The following ENPP3 variants were observed in gnomAD, a reference collection of about 807,000 sequenced individuals.
ENPP3 encodes the protein ectonucleotide pyrophosphatase/phosphodiesterase family member 3.
A neutral mutation model predicts 117.8 loss-of-function variants in ENPP3; 104 were observed. That is an observed-to-expected ratio of 0.88 (90% CI 0.75 to 1.04). ENPP3 has a LOEUF of 1.04. Ranked by LOEUF, ENPP3 falls within the 50% of genes least tolerant of loss-of-function variation. The pLI is 0.00. For synonymous variants in ENPP3, 380 were observed against 349.9 expected (o/e 1.09, Z -0.96); for missense variants, 1,026 against 1,051.9 (o/e 0.98, Z 0.34).
chr6:131,736,612 AC>A (rs1206041431), intron 21 of ENPP3, among the ~76,000 whole-genome samples: 1 of 151,990 alleles, frequency 6.6e-6, no homozygotes, highest in African/African-American at 2.4e-5. Flanking sequence ...ACACAGCCAA[AC>A]CATATCAGTC....
At chr6:131,734,382 C>T (rs991862959) in intron 21 of ENPP3, among the ~76,000 whole-genome samples, 3 of 152,170 alleles carry the variant, frequency 2.0e-5, no homozygotes, top group African/African-American at 7.2e-5. Context: ...CAGGAAACGT[C>T]ATTTTTATTA....
intron 18 of ENPP3, 118 bp downstream of exon 18, chr6:131,722,523 AG>A: frequency 1.3e-6 from 1 of 752,756 alleles, no homozygotes; most frequent in South Asian, 1.7e-5. Context: ...ATATTTACTT[AG>A]TAAATATATG....
chr6:131,677,752 G>A, intron 10 of ENPP3, 116 bp from the exon 11 acceptor site: 2 of 659,442 alleles, frequency 3.0e-6, no homozygotes, highest in Non-Finnish European at 5.4e-6. Context: ...GGAGGAGGAG[G>A]TTAGAGAGAA....
intron 2 of ENPP3, 131 bp downstream of exon 2, chr6:131,641,661 C>A: frequency 1.7e-6 from 1 of 579,208 alleles, no homozygotes. Context: ...AGACATCTCC[C>A]TTTCCCCACT....
chr6:131,724,549 A>G (rs1780110401), intron 19 of ENPP3, among the ~76,000 whole-genome samples: 1 of 152,242 alleles, frequency 6.6e-6, no homozygotes, highest in Non-Finnish European at 1.5e-5. Context: ...CCTGGCCTGT[A>G]GCAATATTAT....
rs1780058074 is a variant in ENPP3 at position 131,722,486 on chromosome 6, A to C, written c.1746+81A>C. ...CTGGGTAGCTGACAACTGGGGTAGC[A>C]ACAACCAGGTTTGTGTTCCGCCTTG... On this transcript the variant is annotated intron_variant, in intron 18 of 24. Coordinates refer to ENST00000357639, the MANE Select transcript of ENPP3 (RefSeq NM_005021.5). 9.8e-6 allele frequency: 11 copies of C among 1,122,472 alleles called. No individual in the cohort carries two copies. The South Asian group carries it at 1.6e-4, about 16-fold the overall frequency. 69.5% of individuals were successfully genotyped at this position (1,122,472 alleles called of 1,614,324 possible).
intron 21 of ENPP3, 58 bp from the exon 22 acceptor site, chr6:131,737,297 T>C (rs1489403136): frequency 6.1e-6 from 6 of 988,648 alleles, no homozygotes; most frequent in Non-Finnish European, 9.5e-6. Flanking sequence ...ATGCCTGTTG[T>C]GCAGTATGTC....
chr6:131,734,306 A>T lies in ENPP3; in HGVS notation c.2089+583A>T, dbSNP rs968384763. On this transcript the variant is annotated intron_variant, in intron 21 of 24. Coordinates refer to ENST00000357639, the MANE Select transcript of ENPP3 (RefSeq NM_005021.5). Reference sequence around the variant, plus strand: ...GTTGTTGTTGTTGTTTTCAGAAAGAATCTCTCTTGGGAACCTGCCAAAGCT... The same window carrying T: ...GTTGTTGTTGTTGTTTTCAGAAAGATTCTCTCTTGGGAACCTGCCAAAGCT... Among the ~76,000 whole-genome samples the T allele has an allele frequency of 4.6e-5, 7 of 152,224 alleles. No homozygotes were observed. The East Asian group carries it at 1.4e-3, about 29-fold the overall frequency.
At chr6:131,666,656 G>A (rs893979473) in intron 6 of ENPP3, among the ~76,000 whole-genome samples, 16 of 152,106 alleles carry the variant, frequency 1.1e-4, no homozygotes, top group Non-Finnish European at 1.5e-4. Context: ...ACCTCAACGA[G>A]CATCTTTATG....
intron 1 of ENPP3, among the ~76,000 whole-genome samples, chr6:131,638,958 G>A (rs550493295): frequency 3.3e-5 from 5 of 151,828 alleles, no homozygotes; most frequent in Non-Finnish European, 5.9e-5. Flanking sequence ...CAGTGCACTA[G>A]CCTGTTTCAA....
intron 19 of ENPP3, among the ~76,000 whole-genome samples, chr6:131,724,761 G>A (rs1389290654): frequency 6.6e-6 from 1 of 152,130 alleles, no homozygotes. Flanking sequence ...TCCATGGCAT[G>A]AATAGCCTGC....
intron 24 of ENPP3, among the ~76,000 whole-genome samples, chr6:131,745,394 T>C (rs1307110942): frequency 6.6e-6 from 1 of 152,102 alleles, no homozygotes; most frequent in Admixed American, 6.5e-5. Flanking sequence ...GCCTGCATAC[T>C]TAAACAAGTA....
intron 21 of ENPP3, 47 bp downstream of exon 21, chr6:131,733,770 A>G (rs771281995): frequency 1.3e-6 from 2 of 1,595,896 alleles, no homozygotes; most frequent in South Asian, 1.1e-5. Context: ...AGCTCTCATC[A>G]GCTGGATGTG....
rs142693446 is a variant in ENPP3, at chr6:131,650,081, G to A, written c.209G>A (p.Arg70Gln). The A allele has an allele frequency of 5.4e-5, 87 of 1,614,028 alleles. No individual in the cohort carries two copies. The East Asian group carries it at 7.4e-4, about 14-fold the overall frequency. ...DASFRGLENC[R>Q]CDVACKDRGD... is the part of the protein sequence containing the mutation. ...TCATTTAGAGGACTGGAGAACTGCC[G>A]GTGTGATGTGGCATGTAAAGACCGA... The change falls in exon 3 of 25, where the codon CGG (arginine) becomes CAG (glutamine). Residue 70 changes from arginine to glutamine, a missense_variant. By Grantham distance (43) the Arg-to-Gln change is conservative. Coordinates refer to ENST00000357639, the MANE Select transcript of ENPP3 (RefSeq NM_005021.5).
chr6:131,744,179 A>G (rs1274726309), intron 24 of ENPP3, among the ~76,000 whole-genome samples: 2 of 152,206 alleles, frequency 1.3e-5, no homozygotes, highest in Non-Finnish European at 2.9e-5. Context: ...ATTAGATCAT[A>G]TTTCCTTATT....
chr6:131,740,446 A>G, intron 24 of ENPP3, 66 bp downstream of exon 24: 1 of 1,283,254 alleles, frequency 7.8e-7, no homozygotes, highest in Admixed American at 2.8e-5. Context: ...GGTTCTCATA[A>G]AAGTGGCTCT....
chr6:131,696,877 C>A (rs1307870726), intron 15 of ENPP3, among the ~76,000 whole-genome samples: 1 of 150,452 alleles, frequency 6.6e-6, no homozygotes. Flanking sequence ...TCATGCCATT[C>A]TCCTGCCTCA....
intron 20 of ENPP3, 152 bp downstream of exon 20, chr6:131,726,352 G>C (rs1410698574): frequency 1.6e-6 from 1 of 621,440 alleles, no homozygotes; most frequent in Non-Finnish European, 2.7e-6. Context: ...ATTAGATAAA[G>C]GTTGTTATAG....
intron 24 of ENPP3, among the ~76,000 whole-genome samples, chr6:131,745,590 C>G (rs1053005825): frequency 1.4e-4 from 22 of 151,860 alleles, no homozygotes; most frequent in African/African-American, 5.3e-4. Context: ...AATTATTGAA[C>G]TAACTTTCAT....
Sources: gnomAD v4.1 joint callset for allele counts (sites outside exome capture counted in the v4.1 genomes callset) on GRCh38, gnomAD v4.1.1 for gene constraint, MANE v1.5 for transcripts, NCBI Gene and HGNC (gene_info 2026-07-23, HGNC 2026-07-21) for gene names.